Variants in EXOC6 observed in about 807,000 individuals in gnomAD.
EXOC6 encodes SEC15-like 1.
Under a neutral mutation model 112.5 loss-of-function variants are expected in EXOC6, and 60 were observed. The observed-to-expected ratio is 0.53, with a 90% confidence interval of 0.43 to 0.66. The LOEUF is 0.66. Among genes scored for constraint, EXOC6 ranks in the 30% least tolerant of loss-of-function variants. EXOC6 has a pLI of 0.00. For missense variants in EXOC6, 855 were observed against 957.1 expected (o/e 0.89, Z 1.41); for synonymous variants, 295 against 308.0 (o/e 0.96, Z 0.44).
At chr10:93,013,256 G>A (rs1347754727) in intron 19 of EXOC6, among the ~76,000 whole-genome samples, 7 of 152,104 alleles carry the variant, frequency 4.6e-5, no homozygotes, top group Admixed American at 4.6e-4. Context: ...GGAATCTGTG[G>A]AAATTTTAAA....
intron 1 of EXOC6, among the ~76,000 whole-genome samples, chr10:92,866,903 T>C (rs1284982521): frequency 6.6e-6 from 1 of 152,188 alleles, no homozygotes; most frequent in African/African-American, 2.4e-5. Flanking sequence ...TGGGGGAATT[T>C]TACAAATATT....
intron 4 of EXOC6, among the ~76,000 whole-genome samples, chr10:92,899,182 T>C (rs964709604): frequency 6.6e-6 from 1 of 152,188 alleles, no homozygotes; most frequent in Non-Finnish European, 1.5e-5. Context: ...TTATTTGGTA[T>C]GTTGAGTCAA....
intron 18 of EXOC6, among the ~76,000 whole-genome samples, chr10:92,976,718 A>G (rs923689316): frequency 2.0e-5 from 3 of 152,150 alleles, no homozygotes; most frequent in Non-Finnish European, 4.4e-5. Context: ...TCCAGTTAGA[A>G]AGGACCAAGA....
At chr10:93,037,897 G>C (rs1325850235) in intron 20 of EXOC6, among the ~76,000 whole-genome samples, 1 of 150,680 alleles carries the variant, frequency 6.6e-6, no homozygotes. Flanking sequence ...AAAATTAGCC[G>C]GGCGCGGTGG....
chr10:92,933,135 G>T (rs1346686868), intron 9 of EXOC6, among the ~76,000 whole-genome samples: 1 of 152,018 alleles, frequency 6.6e-6, no homozygotes, highest in Non-Finnish European at 1.5e-5. Context: ...TGATAAAAAT[G>T]GTAATTCTAA....
intron 1 of EXOC6, among the ~76,000 whole-genome samples, chr10:92,877,335 C>CT (rs1372712349): frequency 2.6e-5 from 4 of 151,668 alleles, no homozygotes; most frequent in Non-Finnish European, 4.4e-5. Context: ...CCTTATGAGT[C>CT]TAAGATTTGG....
intron 13 of EXOC6, among the ~76,000 whole-genome samples, chr10:92,941,774 A>G (rs1375979331): frequency 6.6e-6 from 1 of 152,214 alleles, no homozygotes; most frequent in Non-Finnish European, 1.5e-5. Context: ...TCTGCAGGCC[A>G]TGGACAAAAG....
At chr10:92,840,748 C>G (rs1280016638) in intron 1 of EXOC6, among the ~76,000 whole-genome samples, 2 of 151,622 alleles carry the variant, frequency 1.3e-5, no homozygotes, top group Admixed American at 6.6e-5. Context: ...CAAGTGGCCT[C>G]TTGGGCTCAA....
intron 1 of EXOC6, among the ~76,000 whole-genome samples, chr10:92,853,950 G>A (rs2133640883): frequency 6.7e-6 from 1 of 149,926 alleles, no homozygotes; most frequent in East Asian, 2.0e-4. Context: ...TGAGGTTGCA[G>A]TGAGCCGTGA....
chr10:92,932,717 A>G (rs1394416520), intron 9 of EXOC6, among the ~76,000 whole-genome samples: 1 of 152,180 alleles, frequency 6.6e-6, no homozygotes, highest in African/African-American at 2.4e-5. Flanking sequence ...GCCAAAGGGA[A>G]GATGTGAGAT....
chr10:92,997,459 G>T lies in EXOC6; in HGVS notation c.1954-15G>T. On this transcript the variant is annotated splice_polypyrimidine_tract_variant and intron_variant, in intron 18 of 21. Coordinates refer to ENST00000260762, the MANE Select transcript of EXOC6 (RefSeq NM_019053.6). Reference sequence around the variant, plus strand: ...TGTTTATTTGTTTGATTTTTGGTTTGATTGTTTTAAACAGGGGAAAGTTGC... The same window carrying T: ...TGTTTATTTGTTTGATTTTTGGTTTTATTGTTTTAAACAGGGGAAAGTTGC... The T allele has an allele frequency of 3.8e-6, 6 of 1,589,144 alleles. No homozygotes were observed. The South Asian group carries it at 6.9e-5, about 18-fold the overall frequency.
intron 1 of EXOC6, among the ~76,000 whole-genome samples, chr10:92,885,416 G>C (rs1268953807): frequency 6.7e-6 from 1 of 148,988 alleles, no homozygotes; most frequent in African/African-American, 2.5e-5. Flanking sequence ...GTCTTTCCCT[G>C]TTGCCCAGGC....
chr10:92,842,757 A>C (rs1190945468), intron 1 of EXOC6, among the ~76,000 whole-genome samples: 1 of 152,130 alleles, frequency 6.6e-6, no homozygotes, highest in Non-Finnish European at 1.5e-5. Flanking sequence ...AATGGAACTC[A>C]GAGAAAATGA....
intron 18 of EXOC6, among the ~76,000 whole-genome samples, chr10:92,991,003 A>G (rs951373264): frequency 5.9e-5 from 9 of 152,180 alleles, no homozygotes; most frequent in African/African-American, 2.2e-4. Flanking sequence ...GCTGTTTATA[A>G]TAGTCTGCCA....
At chr10:93,005,466 A>G (rs1019849399) in intron 19 of EXOC6, among the ~76,000 whole-genome samples, 1 of 152,178 alleles carries the variant, frequency 6.6e-6, no homozygotes, top group African/African-American at 2.4e-5. Context: ...TTAAATACTT[A>G]TTATATATTG....
intron 20 of EXOC6, among the ~76,000 whole-genome samples, chr10:93,030,231 C>T (rs1022961389): frequency 2.6e-5 from 4 of 151,228 alleles, no homozygotes; most frequent in African/African-American, 7.3e-5. Context: ...TTAGTAGAGA[C>T]GGGGTTTTGC....
intron 1 of EXOC6, among the ~76,000 whole-genome samples, chr10:92,874,361 C>G (rs1174041407): frequency 6.6e-6 from 1 of 152,102 alleles, no homozygotes; most frequent in Non-Finnish European, 1.5e-5. Context: ...TAACGTAAAC[C>G]ATGTCTTGAC....
chr10:93,012,620 T>C (rs1590039061), intron 19 of EXOC6, among the ~76,000 whole-genome samples: 2 of 152,240 alleles, frequency 1.3e-5, no homozygotes, highest in East Asian at 3.8e-4. Flanking sequence ...ATTTTGAGCC[T>C]TTCTAAACTA....
At position 92,894,940 on chromosome 10, in the gene EXOC6, A is replaced by C; in HGVS notation, c.332A>C (p.His111Pro). Residue 111 changes from histidine to proline, a missense_variant, in exon 4 of 22, where the codon CAC (histidine) becomes CCC (proline). This residue lies in a region of EXOC6 where 405 missense variants were observed against 393.6 expected (regional missense o/e 1.03). Transcript: ENST00000260762. ...TCCTTCTTTTCTAAGGTGATAGTCC[A>C]CACAGAAGATATCATTCGATGTAGA... is the stretch of plus-strand genomic sequence containing the variant. ...FQDAGKEVIV[H>P]TEDIIRCRIQ... 1 of 1,611,812 alleles carries C rather than the reference A, an allele frequency of 6.2e-7. No individual in the cohort carries two copies. The highest frequency in any genetic ancestry group is 8.5e-7 in the Non-Finnish European group (1 of 1,178,060).
Sources: allele counts gnomAD v4.1 joint callset (sites outside exome capture counted in the v4.1 genomes callset), GRCh38; gene constraint gnomAD v4.1.1; regional missense constraint gnomAD v4.1.1; transcripts MANE v1.5; gene names NCBI Gene and HGNC (gene_info 2026-07-23, HGNC 2026-07-21).